FSIP2: variants seen among roughly 807,000 people sequenced by gnomAD.
The protein encoded by FSIP2 is fibrous sheath interacting protein 2.
In FSIP2, 367 loss-of-function variants were observed where a neutral mutation model predicts 510.5. The observed-to-expected ratio is 0.72, with a 90% CI of 0.66 to 0.78. The LOEUF (loss-of-function observed/expected upper bound fraction) is 0.78, where lower values mean the gene tolerates loss of function less well. FSIP2 is among the 30% of genes least tolerant of loss of function. The pLI, the probability that FSIP2 is intolerant of heterozygous loss-of-function variation, is 0.00. For synonymous variants in FSIP2, 2,601 were observed against 2,732.2 expected, an observed-to-expected ratio of 0.95 and a Z score of 1.50; for missense variants, 7,594 against 7,901.7, an observed-to-expected ratio of 0.96 and a Z score of 1.48.
In FSIP2 at chr2:185,789,089, A is replaced by G. The variant is rs1220844637; in HGVS notation, c.1953A>G (p.Ala651=). 13 of 1,534,924 alleles carry G rather than the reference A, an allele frequency of 8.5e-6. No homozygotes were observed. Among genetic ancestry groups the G allele is most frequent in the Middle Eastern group, 1.7e-4 (1 of 6,010 alleles). The change falls in exon 16 of 23, where the codon GCA becomes GCG. Residue 651 remains alanine, a synonymous_variant. Coordinates refer to ENST00000424728, the MANE Select transcript of FSIP2 (RefSeq NM_173651.4). ...GTAAATCAGATAGTCACCTTTTAGCATCATTTGAAACAGGCACAAAAAAAT... is the reference window on the plus strand; with the variant it reads ...GTAAATCAGATAGTCACCTTTTAGCGTCATTTGAAACAGGCACAAAAAAAT... The part of the protein sequence containing the change: ...RSCKSDSHLL[A]SFETGTKKSK...
chr2:185,753,070 T>C (rs1413197903), intron 7 of FSIP2, among the ~76,000 whole-genome samples: 1 of 151,350 alleles, frequency 6.6e-6, no homozygotes, highest in Non-Finnish European at 1.5e-5. Context: ...CTCTACTCAA[T>C]GCCCTATGAC....
At position 185,802,490 on chromosome 2, in the gene FSIP2, C is replaced by T; in HGVS notation, c.13184C>T (p.Ser4395Phe). ...HGLDLAVDKE[S>F]EDSGIFVENI... Reference sequence around the variant, plus strand: ...CTAGACCTTGCTGTTGATAAAGAGTCTGAAGACAGTGGCATTTTTGTGGAA... The same window carrying T: ...CTAGACCTTGCTGTTGATAAAGAGTTTGAAGACAGTGGCATTTTTGTGGAA... Residue 4395 changes from serine to phenylalanine, a missense_variant, in exon 17 of 23, where the codon TCT becomes TTT. Transcript: ENST00000424728. 1 of 1,533,240 alleles carries T rather than the reference C, an allele frequency of 6.5e-7. No individual in the cohort carries two copies. 95.0% of individuals were successfully genotyped at this position (1,533,240 alleles called of 1,614,324 possible).
In FSIP2 at chr2:185,807,838, A is replaced by C. The variant is rs769869342; in HGVS notation, c.18532A>C (p.Ile6178Leu). The C allele has an allele frequency of 2.5e-6, 4 of 1,611,586 alleles. No homozygotes were observed. Among genetic ancestry groups the C allele is most frequent in the Non-Finnish European group, 3.4e-6 (4 of 1,178,968 alleles). ...PSHADKLSYN[I>L]IEEIAVKFLS... ...ACATGCTGATAAGCTGTCTTATAACATAATAGAAGAAATTGCTGTGAAATT... is the reference window on the plus strand; with the variant it reads ...ACATGCTGATAAGCTGTCTTATAACCTAATAGAAGAAATTGCTGTGAAATT... The change falls in exon 17 of 23, where the codon ATA becomes CTA. Residue 6178 changes from isoleucine (I) to leucine (L), a missense_variant. Transcript: ENST00000424728.
rs1223308423 is a variant in FSIP2, at chr2:185,792,563, C to G, written c.5427C>G (p.Gly1809=). ...CTCTCTCCCACTCTAATTTTAATGG[C>G]ATGCCTCACAATGTTGATGAGCCAA... ...VLSLSHSNFN[G]MPHNVDEPTP... is the part of the protein sequence containing the mutation. The change falls in exon 16 of 23, where the codon GGC becomes GGG. Residue 1809 remains glycine (G), a synonymous_variant. Transcript: ENST00000424728. The G allele has an allele frequency of 2.0e-6, 3 of 1,532,672 alleles. No homozygotes were observed. In the South Asian group the frequency reaches 3.6e-5, roughly 18 times the overall value. The allele number at this position is 1,532,672 out of a possible 1,614,324, so 94.9% of individuals were successfully genotyped here. A position where few individuals can be genotyped will look rare whatever the true frequency, so the allele number is the denominator to read the frequency against.
intron 17 of FSIP2, among the ~76,000 whole-genome samples, chr2:185,811,075 C>G (rs944999302): frequency 6.6e-6 from 1 of 151,942 alleles, no homozygotes; most frequent in Non-Finnish European, 1.5e-5. Flanking sequence ...TCTTGACAGC[C>G]TATTCTCAGA....
At chr2:185,771,751 G>T (rs1454575877) in intron 13 of FSIP2, among the ~76,000 whole-genome samples, 1 of 152,158 alleles carries the variant, frequency 6.6e-6, no homozygotes, top group Non-Finnish European at 1.5e-5. Context: ...TCTCTAGTAA[G>T]TGATTGCTCC....
chr2:185,753,264 T>G (rs1465726151), intron 7 of FSIP2, among the ~76,000 whole-genome samples: 1 of 151,312 alleles, frequency 6.6e-6, no homozygotes, highest in Non-Finnish European at 1.5e-5. Flanking sequence ...TAAGAATCTC[T>G]GGGGTTCATT....
chr2:185,793,716 C>A lies in FSIP2; in HGVS notation c.6580C>A (p.Pro2194Thr). Residue 2194 changes from proline to threonine, a missense_variant, in exon 16 of 23, where the codon CCA (proline) becomes ACA (threonine). Transcript: ENST00000424728. Reference sequence around the variant, plus strand: ...GCCCCTGACATTTTGTGATACGTTTCCAAAAATAGACTGTCAACAGCCTCT... The same window carrying A: ...GCCCCTGACATTTTGTGATACGTTTACAAAAATAGACTGTCAACAGCCTCT... ...RLPLTFCDTF[P>T]KIDCQQPLKG... is the part of the protein sequence containing the mutation. The A allele has an allele frequency of 6.5e-7, 1 of 1,534,436 alleles. No individual in the cohort carries two copies. Among genetic ancestry groups the A allele is most frequent in the African/African-American group, 1.4e-5 (1 of 72,934 alleles).
intron 11 of FSIP2, among the ~76,000 whole-genome samples, chr2:185,762,480 T>G (rs992200750): frequency 2.6e-5 from 4 of 151,356 alleles, no homozygotes; most frequent in African/African-American, 9.7e-5. Context: ...ATCTGACATA[T>G]GCATACAGAA....
chr2:185,809,083 A>G lies in FSIP2; in HGVS notation c.19777A>G (p.Arg6593Gly), dbSNP rs1374528176. ...TGATTTAGAAAAGAGAAAGACAGAA[A>G]GACGTACCTCATTGGATAAGACTGG... The part of the protein sequence containing the change: ...SPDLEKRKTE[R>G]RTSLDKTGRL... The change falls in exon 17 of 23, where the codon AGA becomes GGA. Residue 6593 changes from arginine (R) to glycine (G), a missense_variant. Coordinates refer to ENST00000424728, the MANE Select transcript of FSIP2 (RefSeq NM_173651.4). 2 of 1,599,488 alleles carry G rather than the reference A, an allele frequency of 1.3e-6. No individual in the cohort carries two copies. Among genetic ancestry groups the G allele is most frequent in the Admixed American group, 3.6e-5 (2 of 56,232 alleles).
chr2:185,744,311 T>C lies in FSIP2; in HGVS notation c.388-11T>C, dbSNP rs1691982310. The C allele has an allele frequency of 5.8e-6, 5 of 859,992 alleles. No individual in the cohort carries two copies. Among genetic ancestry groups the C allele is most frequent in the Non-Finnish European group, 6.2e-6 (4 of 640,308 alleles). 53.3% of individuals were successfully genotyped at this position (859,992 alleles called of 1,614,324 possible). On this transcript the variant is annotated splice_polypyrimidine_tract_variant and intron_variant, in intron 3 of 22. Transcript: ENST00000424728. Reference sequence around the variant, plus strand: ...TTTAAAATATCCATCTGTTTTCATTTTTGTTTGTAGGTTGTATGTACCTTG... The same window carrying C: ...TTTAAAATATCCATCTGTTTTCATTCTTGTTTGTAGGTTGTATGTACCTTG...
In FSIP2 at chr2:185,795,787, A is replaced by G. The variant is rs1574188079; in HGVS notation, c.8651A>G (p.Asn2884Ser). 2 of 1,533,752 alleles carry G rather than the reference A, an allele frequency of 1.3e-6. No individual in the cohort carries two copies. Among genetic ancestry groups the G allele is most frequent in the Non-Finnish European group, 1.7e-6 (2 of 1,145,072 alleles). ...KELEYSLSLLNLPPLENCESR... is the reference protein window; with the variant it reads ...KELEYSLSLLSLPPLENCESR... ...TTAGAATATTCTCTTTCACTTTTAA[A>G]TTTGCCCCCTCTTGAGAATTGTGAA... Residue 2884 changes from asparagine (N) to serine (S), a missense_variant, in exon 16 of 23, where the codon AAT becomes AGT. By Grantham distance (46) the Asn-to-Ser change is conservative. Coordinates refer to ENST00000424728, the MANE Select transcript of FSIP2 (RefSeq NM_173651.4).
intron 10 of FSIP2, 25 bp downstream of exon 10, chr2:185,761,128 T>C (rs2105556760): frequency 1.1e-6 from 1 of 927,938 alleles, no homozygotes; most frequent in African/African-American, 1.7e-5. Flanking sequence ...TTTAAAGTTT[T>C]GTGTTGTATT....
intron 14 of FSIP2, among the ~76,000 whole-genome samples, chr2:185,783,269 G>A: frequency 6.6e-6 from 1 of 152,016 alleles, no homozygotes; most frequent in East Asian, 1.9e-4. Context: ...TTAAGCCCAG[G>A]GACTTTTCAT....
rs767378284 is a variant in FSIP2, at chr2:185,753,739, G to GA, written c.895dup (p.Met299AsnfsTer14). 1.5e-5 allele frequency: 19 copies of GA among 1,249,878 alleles called. No homozygotes were observed. In the Admixed American group the frequency reaches 1.7e-4, roughly 11 times the overall value. The allele number at this position is 1,249,878 out of a possible 1,614,324, so 77.4% of individuals were successfully genotyped here. On this transcript the variant is annotated frameshift_variant, in exon 8 of 23. Coordinates refer to ENST00000424728, the MANE Select transcript of FSIP2 (RefSeq NM_173651.4). LOFTEE classifies it high-confidence loss of function. The stretch of plus-strand genomic sequence containing the variant: ...TATTGTAGAAACAAGATCTTCTAGA[G>GA]AAAAAAATGGCTTATCATTTACAAA...
intron 13 of FSIP2, among the ~76,000 whole-genome samples, chr2:185,776,604 T>C (rs1692727596): frequency 6.6e-6 from 1 of 152,218 alleles, no homozygotes; most frequent in Non-Finnish European, 1.5e-5. Flanking sequence ...TCAAAAAGCA[T>C]AGGCTTTAAA....
At chr2:185,766,871 A>G (rs1456545685) in intron 13 of FSIP2, among the ~76,000 whole-genome samples, 3 of 125,840 alleles carry the variant, frequency 2.4e-5, no homozygotes, top group Non-Finnish European at 1.7e-5. Flanking sequence ...ACGCACACGT[A>G]TGTTTATTGT....
chr2:185,812,892 T>C (rs1421685571), intron 17 of FSIP2, among the ~76,000 whole-genome samples: 1 of 152,084 alleles, frequency 6.6e-6, no homozygotes, highest in East Asian at 1.9e-4. Flanking sequence ...TTCTGTGACG[T>C]GGTCAAAAGC....
Position 185,804,244 on chromosome 2 carries a change from A to G in FSIP2, c.14938A>G (p.Lys4980Glu). The change falls in exon 17 of 23, where the codon AAA (lysine) becomes GAA (glutamate). Residue 4980 changes from lysine to glutamate, a missense_variant. Coordinates refer to ENST00000424728, the MANE Select transcript of FSIP2 (RefSeq NM_173651.4). ...VTENPDRVKL[K>E]LTRIVTTLVN... is the part of the protein sequence containing the mutation. ...TGAAAATCCAGATAGAGTGAAACTG[A>G]AACTTACCAGGATTGTTACAACATT... 6.5e-7 allele frequency: 1 copy of G among 1,528,568 alleles called. No homozygotes were observed. Among genetic ancestry groups the G allele is most frequent in the South Asian group, 1.2e-5 (1 of 82,626 alleles). The allele number at this position is 1,528,568 out of a possible 1,614,324, so 94.7% of individuals were successfully genotyped here.
Sources: gnomAD v4.1 joint callset for allele counts (sites outside exome capture counted in the v4.1 genomes callset) on GRCh38, gnomAD v4.1.1 for gene constraint, MANE v1.5 for transcripts, NCBI Gene and HGNC (gene_info 2026-07-23, HGNC 2026-07-21) for gene names.